The following SLC29A1 variants were observed in gnomAD, a reference collection of about 807,000 sequenced individuals.
SLC29A1 encodes the protein solute carrier family 29 member 1 (Augustine blood group).
In SLC29A1, 22 loss-of-function variants were observed where a neutral mutation model predicts 48.3. The ratio of observed to expected loss-of-function variants is 0.46; its 90% CI spans 0.33 to 0.65. The LOEUF (loss-of-function observed/expected upper bound fraction) is 0.65. Among genes scored for constraint, SLC29A1 ranks in the 30% least tolerant of loss-of-function variants. SLC29A1 has a pLI of 0.03. For synonymous variants in SLC29A1, 228 were observed against 231.0 expected, an observed-to-expected ratio of 0.99 and a Z score of 0.12; for missense variants, 491 against 575.3, an observed-to-expected ratio of 0.85 and a Z score of 1.50.
rs757783937 is a variant in SLC29A1 at position 44,231,480 on chromosome 6, C to G, written c.864+19C>G. On this transcript the variant is annotated intron_variant, in intron 9 of 12. Transcript: ENST00000371755. The stretch of plus-strand genomic sequence containing the variant: ...GAAAAATGTACGTAGGGGAGGTTAT[C>G]CTATCTTCTACCCCTTGTCCTCTTT... The G allele has an allele frequency of 2.0e-6, 3 of 1,475,024 alleles. No homozygotes were observed. The Admixed American group carries it at 5.2e-5, about 25-fold the overall frequency. 91.4% of individuals were successfully genotyped at this position (1,475,024 alleles called of 1,614,324 possible).
At chr6:44,220,650 T>C (rs1331041564), upstream of SLC29A1, among the ~76,000 whole-genome samples, 2 of 116,288 alleles carry the variant, frequency 1.7e-5, no homozygotes, top group Admixed American at 1.8e-4. Context: ...CCGTCTCTAC[T>C]AAAAAAAAAA....
chr6:44,230,114 C>T (rs1261854277), intron 5 of SLC29A1, 68 bp downstream of exon 5: 2 of 1,580,898 alleles, frequency 1.3e-6, no homozygotes, highest in African/African-American at 1.3e-5. Context: ...TTTTTCAGAC[C>T]CAGCGTTAGC....
rs902025879 is a variant in SLC29A1 at position 44,233,744 on chromosome 6, G to A, written c.*216G>A. 1.2e-5 allele frequency: 7 copies of A among 579,244 alleles called. No individual in the cohort carries two copies. The highest frequency in any genetic ancestry group is 1.9e-5 in the African/African-American group (1 of 53,370). The allele number at this position is 579,244 out of a possible 1,614,324, so 35.9% of individuals were successfully genotyped here. ...GGTTTGGGGCTCAGAGTCGAGGGAC[G>A]GGGTGTAGCCTCGGCATTTGCTTGA... On this transcript the variant is annotated 3_prime_UTR_variant, in exon 13 of 13. Coordinates refer to ENST00000371755, the MANE Select transcript of SLC29A1 (RefSeq NM_001372327.1).
At chr6:44,220,650 TAA>T (rs564819806), upstream of SLC29A1, among the ~76,000 whole-genome samples, 6 of 116,266 alleles carry the variant, frequency 5.2e-5, no homozygotes, top group South Asian at 3.2e-4. Flanking sequence ...CCGTCTCTAC[TAA>T]AAAAAAAAAA....
At chr6:44,227,037 CA>C in intron 1 of SLC29A1, 1 of 1,313,096 alleles carries the variant, frequency 7.6e-7, no homozygotes, top group Non-Finnish European at 9.7e-7. Flanking sequence ...GGCCGGGAGC[CA>C]GGTAGAGTCT....
At position 44,230,095 on chromosome 6, in the gene SLC29A1, C is replaced by T. The variant is rs200864107; in HGVS notation, c.454+49C>T. 191 of 1,597,450 alleles carry T rather than the reference C, an allele frequency of 1.2e-4. 1 individual carries two copies. The highest frequency in any genetic ancestry group is 1.1e-3 in the South Asian group (100 of 90,954). On this transcript the variant is annotated intron_variant, in intron 5 of 12. Transcript: ENST00000371755. ...TATGGGAGGAGGCATGCCCAACTAC[C>T]CCCACTCTTTTTTCAGACCCAGCGT...
chr6:44,230,282 G>A (rs1279341376), intron 5 of SLC29A1, 65 bp from the exon 6 acceptor site: 4 of 1,578,926 alleles, frequency 2.5e-6, no homozygotes, highest in Non-Finnish European at 3.4e-6. Context: ...ACAGGGATCT[G>A]TCTTCTTGGG....
chr6:44,229,656 C>G lies in SLC29A1; in HGVS notation c.179C>G (p.Ala60Gly), dbSNP rs201335180. Residue 60 changes from alanine (A) to glycine (G), a missense_variant, in exon 4 of 13, where the codon GCC (alanine) becomes GGC (glycine). Physicochemically the swap from Ala to Gly is moderately conservative, Grantham distance 60. Coordinates refer to ENST00000371755, the MANE Select transcript of SLC29A1 (RefSeq NM_001372327.1). The surrounding 1 kb of genome is among the most constrained non-coding windows in gnomAD (Gnocchi z 5.1). Reference protein sequence around the residue: ...SLVTAELSKDAQASAAPAAPL... With the variant: ...SLVTAELSKDGQASAAPAAPL... The stretch of plus-strand genomic sequence containing the variant: ...GTCACTGCTGAACTGAGCAAGGACG[C>G]CCAGGCGTCAGCCGCCCCTGCAGCA... 13 of 1,614,024 alleles carry G rather than the reference C, an allele frequency of 8.1e-6. No individual in the cohort carries two copies. The Admixed American group carries it at 1.8e-4, about 23-fold the overall frequency.
chr6:44,230,367 G>C lies in SLC29A1; in HGVS notation c.475G>C (p.Gly159Arg). Residue 159 changes from glycine to arginine, a missense_variant, in exon 6 of 13, where the codon GGC becomes CGC. By Grantham distance (125) the Gly-to-Arg change is moderately radical (BLOSUM62 -2). Coordinates refer to ENST00000371755, the MANE Select transcript of SLC29A1 (RefSeq NM_001372327.1). Reference protein sequence around the residue: ...LINSFGAILQGSLFGLAGLLP... With the variant: ...LINSFGAILQRSLFGLAGLLP... ...CCCAGCATTTGGTGCCATCCTGCAG[G>C]GCAGCCTGTTTGGTCTGGCTGGCCT... 1 of 1,613,534 alleles carries C rather than the reference G, an allele frequency of 6.2e-7. No homozygotes were observed. The highest frequency in any genetic ancestry group is 8.5e-7 in the Non-Finnish European group (1 of 1,179,512).
At chr6:44,230,177 G>T (rs1204564825) in intron 5 of SLC29A1, 131 bp downstream of exon 5, 1 of 1,484,326 alleles carries the variant, frequency 6.7e-7, no homozygotes, top group African/African-American at 1.4e-5. Flanking sequence ...GAGCAGCTGG[G>T]ATTCAGAGGC....
intron 1 of SLC29A1, among the ~76,000 whole-genome samples, chr6:44,226,447 G>A (rs901875181): frequency 6.6e-6 from 1 of 151,808 alleles, no homozygotes. Flanking sequence ...AAGCGGACAG[G>A]AGCCTGTGAC....
Position 44,232,323 on chromosome 6 carries a change from C to G in SLC29A1, c.974-20C>G. The G allele has an allele frequency of 6.4e-7, 1 of 1,565,938 alleles. No individual in the cohort carries two copies. Among genetic ancestry groups the G allele is most frequent in the Non-Finnish European group, 8.8e-7 (1 of 1,136,050 alleles). ...CTGCCTCTGTGAGCCTGATAACCACCCGTTCATCTCCTCTTCCAGAACGTT... is the reference window on the plus strand; with the variant it reads ...CTGCCTCTGTGAGCCTGATAACCACGCGTTCATCTCCTCTTCCAGAACGTT... On this transcript the variant is annotated intron_variant, in intron 10 of 12. Transcript: ENST00000371755. This position sits in a 1 kb window ranked among gnomAD's most constrained non-coding sequence, Gnocchi z 4.7.
rs762318609 is a variant in SLC29A1, at chr6:44,232,044, T to C, written c.911T>C (p.Ile304Thr). Residue 304 changes from isoleucine (I) to threonine (T), a missense_variant, in exon 10 of 13, where the codon ATT (isoleucine) becomes ACT (threonine). By Grantham distance (89) the Ile-to-Thr change is moderately conservative. Coordinates refer to ENST00000371755, the MANE Select transcript of SLC29A1 (RefSeq NM_001372327.1). This position sits in a 1 kb window ranked among gnomAD's most constrained non-coding sequence, Gnocchi z 4.7. ...FSVCFIFTIT[I>T]GMFPAVTVEV... ...GTCTGCTTCATCTTCACTATCACCA[T>C]TGGGATGTTTCCAGCCGTGACTGTT... 32 of 1,613,782 alleles carry C rather than the reference T, an allele frequency of 2.0e-5. No homozygotes were observed. Among genetic ancestry groups the C allele is most frequent in the Non-Finnish European group, 2.5e-5 (30 of 1,179,858 alleles).
chr6:44,221,072 T>C (rs1202221813), upstream of SLC29A1, among the ~76,000 whole-genome samples: 1 of 151,950 alleles, frequency 6.6e-6, no homozygotes, highest in Non-Finnish European at 1.5e-5. The surrounding 1 kb of genome is among the most constrained non-coding windows in gnomAD (Gnocchi z 4.2). Flanking sequence ...TTTGTAGAGA[T>C]GGGGTCTCAC....
chr6:44,231,128 C>T lies in SLC29A1; in HGVS notation c.767-236C>T, dbSNP rs144399960. Among the ~76,000 whole-genome samples, 104 of 152,198 alleles carry T rather than the reference C, an allele frequency of 6.8e-4. 1 individual carries two copies. The South Asian group carries it at 8.1e-3, about 12-fold the overall frequency. On this transcript the variant is annotated intron_variant, in intron 8 of 12. Coordinates refer to ENST00000371755, the MANE Select transcript of SLC29A1 (RefSeq NM_001372327.1). Reference sequence around the variant, plus strand: ...TGTTTGGACTAAAGGCAGTGGGAAGCAATTTCAGATTCTTGAGTGAGGAGT... The same window carrying T: ...TGTTTGGACTAAAGGCAGTGGGAAGTAATTTCAGATTCTTGAGTGAGGAGT...
At position 44,230,480 on chromosome 6, in the gene SLC29A1, C is replaced by T. The variant is rs1401353563; in HGVS notation, c.588C>T (p.Ala196=). 15 of 1,613,792 alleles carry T rather than the reference C, an allele frequency of 9.3e-6. No homozygotes were observed. The highest frequency in any genetic ancestry group is 1.2e-5 in the Non-Finnish European group (14 of 1,179,878). The part of the protein sequence containing the change: ...FASVAMICAI[A]SGSELSESAF... ...CCGTGGCCATGATCTGCGCTATTGCCAGTAAGTCCGGCTATCTACCTGCCC... is the reference window on the plus strand; with the variant it reads ...CCGTGGCCATGATCTGCGCTATTGCTAGTAAGTCCGGCTATCTACCTGCCC... Residue 196 remains alanine (A), a splice_region_variant and synonymous_variant, in exon 6 of 13, where the codon GCC becomes GCT. Coordinates refer to ENST00000371755, the MANE Select transcript of SLC29A1 (RefSeq NM_001372327.1).
rs749870888 is a variant in SLC29A1, at chr6:44,232,745, T to C, written c.1060-62T>C. ...ATCCTGAGGGGCCCCAGATGGATCC[T>C]TGGGGGCCTGGCTGTGCCCTGGGGT... On this transcript the variant is annotated intron_variant, in intron 11 of 12. Transcript: ENST00000371755. This position sits in a 1 kb window ranked among gnomAD's most constrained non-coding sequence, Gnocchi z 4.7. The C allele has an allele frequency of 4.6e-6, 7 of 1,534,728 alleles. No homozygotes were observed. The highest frequency in any genetic ancestry group is 2.2e-4 in the Middle Eastern group (1 of 4,504).
chr6:44,230,935 C>T (rs535059523), intron 8 of SLC29A1, 46 bp downstream of exon 8: 23 of 1,422,968 alleles, frequency 1.6e-5, no homozygotes, highest in South Asian at 9.2e-5. Flanking sequence ...GTATACCAGG[C>T]GGGGGATAGC....
In SLC29A1 at chr6:44,232,863, G is replaced by C. The variant is rs1397278259; in HGVS notation, c.1116G>C (p.Val372=). The change falls in exon 12 of 13, where the codon GTG becomes GTC. Residue 372 remains valine (V), a synonymous_variant. Coordinates refer to ENST00000371755, the MANE Select transcript of SLC29A1 (RefSeq NM_001372327.1). The surrounding 1 kb of genome is among the most constrained non-coding windows in gnomAD (Gnocchi z 4.7). ...PSLVLARLVF[V]PLLLLCNIKP... Reference sequence around the variant, plus strand: ...TGGTGCTGGCCCGGCTGGTGTTTGTGCCACTGCTGCTGCTGTGCAACATTA... The same window carrying C: ...TGGTGCTGGCCCGGCTGGTGTTTGTCCCACTGCTGCTGCTGTGCAACATTA... 1 of 1,613,744 alleles carries C rather than the reference G, an allele frequency of 6.2e-7. No homozygotes were observed. Among genetic ancestry groups the C allele is most frequent in the African/African-American group, 1.3e-5 (1 of 74,938 alleles).
Sources: gnomAD v4.1 joint callset for allele counts (sites outside exome capture counted in the v4.1 genomes callset) on GRCh38, gnomAD v4.1.1 for gene constraint, Gnocchi (gnomAD v3.1) non-coding constraint, MANE v1.5 for transcripts, NCBI Gene and HGNC (gene_info 2026-07-23, HGNC 2026-07-21) for gene names.